Variants in NME7 observed in about 807,000 individuals in gnomAD.
The protein encoded by NME7 is nucleoside diphosphate kinase 7.
NME7 carries 41 observed loss-of-function variants against 49.1 expected under a neutral mutation model. The observed-to-expected ratio is 0.83, with a 90% CI of 0.65 to 1.08. The LOEUF (loss-of-function observed/expected upper bound fraction) is 1.08, where lower values mean the gene tolerates loss of function less well. Among genes scored for constraint, NME7 ranks in the 50% least tolerant of loss-of-function variants. NME7 has a pLI of 0.00. For synonymous variants in NME7, 139 were observed against 150.6 expected (o/e 0.92, Z 0.56); for missense variants, 423 against 463.4 (o/e 0.91, Z 0.80).
At chr1:169,170,898 C>A (rs1020783913) in intron 10 of NME7, among the ~76,000 whole-genome samples, 1 of 152,006 alleles carries the variant, frequency 6.6e-6, no homozygotes, top group Admixed American at 6.6e-5. Context: ...TGCACTCCAG[C>A]CTGGACGACA....
At chr1:169,295,375 T>C (rs994018169) in intron 6 of NME7, among the ~76,000 whole-genome samples, 5 of 152,122 alleles carry the variant, frequency 3.3e-5, no homozygotes, top group Non-Finnish European at 7.4e-5. Flanking sequence ...AAGGTGGTAA[T>C]AGGGTGAAAT....
intron 4 of NME7, 21 bp from the exon 5 acceptor site, chr1:169,303,216 C>A (rs1381530377): frequency 1.6e-6 from 2 of 1,275,528 alleles, no homozygotes; most frequent in South Asian, 1.4e-5. Context: ...ATCAAAAAGG[C>A]AATAGTTAAG....
At chr1:169,257,436 G>T (rs948005072) in intron 7 of NME7, among the ~76,000 whole-genome samples, 1 of 133,716 alleles carries the variant, frequency 7.5e-6, no homozygotes, top group South Asian at 2.3e-4. Flanking sequence ...CGAACGGTAC[G>T]CGCACCCACT....
chr1:169,325,707 A>C (rs941759851), intron 1 of NME7, among the ~76,000 whole-genome samples: 4 of 152,178 alleles, frequency 2.6e-5, no homozygotes, highest in African/African-American at 9.7e-5. Flanking sequence ...ATTGACTTAT[A>C]AATTCTAATG....
chr1:169,290,425 T>C lies in NME7; in HGVS notation c.649-3017A>G, dbSNP rs531900546. Among the ~76,000 whole-genome samples the C allele has an allele frequency of 2.1e-4, 32 of 152,298 alleles. 1 individual carries two copies. The highest frequency in any genetic ancestry group is 8.3e-4 in the South Asian group (4 of 4,826). ...AACAAGCAATGGTGAAAGGATTCCC[T>C]ATTTAATAAATGGTATTGGGAAAAC... On this transcript the variant is annotated intron_variant, in intron 6 of 11. Coordinates refer to ENST00000367811, the MANE Select transcript of NME7 (RefSeq NM_013330.5).
chr1:169,258,425 T>G (rs192151356), intron 7 of NME7, among the ~76,000 whole-genome samples: 2 of 88,262 alleles, frequency 2.3e-5, no homozygotes, highest in Non-Finnish European at 2.3e-5. Context: ...CACACACACA[T>G]ACACACACAC....
chr1:169,191,736 T>A (rs1263038802), intron 10 of NME7, among the ~76,000 whole-genome samples: 1 of 152,228 alleles, frequency 6.6e-6, no homozygotes, highest in Non-Finnish European at 1.5e-5. Flanking sequence ...CAGCGTATTT[T>A]TTCAATCAAT....
At chr1:169,211,850 A>G (rs1409195920) in intron 10 of NME7, among the ~76,000 whole-genome samples, 1 of 152,194 alleles carries the variant, frequency 6.6e-6, no homozygotes, top group African/African-American at 2.4e-5. Flanking sequence ...TTTTCAGGAA[A>G]AGATTGCCGT....
chr1:169,251,750 C>T (rs1322936111), intron 7 of NME7, among the ~76,000 whole-genome samples: 1 of 139,582 alleles, frequency 7.2e-6, no homozygotes, highest in African/African-American at 2.7e-5. Flanking sequence ...GTGATATTCC[C>T]CTTCCTGTGT....
intron 11 of NME7, chr1:169,168,823 A>G (rs2101842995): frequency 4.4e-6 from 2 of 453,580 alleles, no homozygotes; most frequent in Non-Finnish European, 8.8e-6. Flanking sequence ...ATTTTTTTCT[A>G]TTTTTTTGAT....
intron 3 of NME7, chr1:169,322,262 A>G (rs1239670667): frequency 6.6e-6 from 1 of 152,136 alleles, no homozygotes; most frequent in African/African-American, 2.4e-5. Flanking sequence ...CAAAACTGAG[A>G]AAAAGAATGA....
chr1:169,216,352 C>A (rs1188245915), intron 10 of NME7, among the ~76,000 whole-genome samples: 1 of 152,132 alleles, frequency 6.6e-6, no homozygotes. Flanking sequence ...AATAATTTAA[C>A]CAACCATGAC....
chr1:169,325,379 G>A (rs958198578), intron 1 of NME7, among the ~76,000 whole-genome samples: 1 of 152,120 alleles, frequency 6.6e-6, no homozygotes, highest in Non-Finnish European at 1.5e-5. Flanking sequence ...AGCAGCAGTG[G>A]ATTTCAGAGA....
At chr1:169,288,708 ATT>A (rs1396763252) in intron 6 of NME7, among the ~76,000 whole-genome samples, 2 of 152,174 alleles carry the variant, frequency 1.3e-5, no homozygotes, top group Non-Finnish European at 2.9e-5. Context: ...AAAGTGTTCT[ATT>A]CCTAAGATAC....
chr1:169,228,443 C>T (rs891900379), intron 10 of NME7, among the ~76,000 whole-genome samples: 2 of 151,702 alleles, frequency 1.3e-5, no homozygotes, highest in Admixed American at 6.6e-5. Context: ...TTTGGGAGGC[C>T]GAGGCGGGTG....
chr1:169,184,594 C>T (rs1179417711), intron 10 of NME7, among the ~76,000 whole-genome samples: 1 of 152,124 alleles, frequency 6.6e-6, no homozygotes, highest in African/African-American at 2.4e-5. Context: ...CATCCATTCC[C>T]AAAATCAATT....
chr1:169,227,783 C>T (rs1387486564), intron 10 of NME7, among the ~76,000 whole-genome samples: 1 of 152,038 alleles, frequency 6.6e-6, no homozygotes, highest in East Asian at 1.9e-4. Context: ...ATTAAGTTTC[C>T]AACACATGAA....
At chr1:169,280,614 C>G (rs888056460) in intron 7 of NME7, among the ~76,000 whole-genome samples, 2 of 147,580 alleles carry the variant, frequency 1.4e-5, no homozygotes, top group African/African-American at 4.9e-5. Context: ...TTTGATCCAT[C>G]TTGAGTTGAT....
At chr1:169,296,584 A>C (rs1299468108) in intron 6 of NME7, among the ~76,000 whole-genome samples, 1 of 152,046 alleles carries the variant, frequency 6.6e-6, no homozygotes, top group Non-Finnish European at 1.5e-5. Context: ...TGTGCTGATA[A>C]CTCTAAGCTG....
Sources: allele counts gnomAD v4.1 joint callset (sites outside exome capture counted in the v4.1 genomes callset), GRCh38; gene constraint gnomAD v4.1.1; transcripts MANE v1.5; gene names NCBI Gene and HGNC (gene_info 2026-07-23, HGNC 2026-07-21).